The following XPNPEP3 variants were observed in gnomAD, a reference collection of about 807,000 sequenced individuals.
XPNPEP3 encodes the protein xaa-Pro aminopeptidase 3.
A neutral mutation model predicts 60.0 loss-of-function variants in XPNPEP3; 41 were observed. The ratio of observed to expected loss-of-function variants is 0.68; its 90% CI spans 0.53 to 0.89. XPNPEP3 has a LOEUF of 0.89. XPNPEP3 is among the 40% of genes least tolerant of loss of function. The pLI, the probability that XPNPEP3 is intolerant of heterozygous loss-of-function variation, is 0.00. For missense variants in XPNPEP3, 598 were observed against 638.9 expected (o/e 0.94, Z 0.69); for synonymous variants, 212 against 223.2 (o/e 0.95, Z 0.45).
intron 6 of XPNPEP3, among the ~76,000 whole-genome samples, chr22:40,911,766 C>T (rs991916925): frequency 1.3e-5 from 2 of 152,194 alleles, no homozygotes; most frequent in South Asian, 4.1e-4. Context: ...TCTCAAACTC[C>T]TGGCCTCAAG....
intron 4 of XPNPEP3, among the ~76,000 whole-genome samples, chr22:40,901,792 G>A (rs1047264222): frequency 3.3e-5 from 5 of 152,100 alleles, no homozygotes; most frequent in African/African-American, 1.2e-4. Flanking sequence ...TGAAATATGC[G>A]GAATAGGTAA....
chr22:40,898,225 ATTTTTTTTTTTTTTTTTTTTTTTT>A (rs71200626), intron 4 of XPNPEP3, among the ~76,000 whole-genome samples: 28 of 28,770 alleles, frequency 9.7e-4, no homozygotes, highest in Non-Finnish European at 1.5e-3. Flanking sequence ...TCTTTGACCC[ATTTTTTTTTTTTTTTTTTTTTTTT>A]TTTTTTTTTT....
intron 7 of XPNPEP3, among the ~76,000 whole-genome samples, chr22:40,918,008 C>A (rs5758128): frequency 8.3e-6 from 1 of 120,368 alleles, no homozygotes; most frequent in African/African-American, 4.1e-5. Context: ...GAGACTCTGT[C>A]TAAAAAAAAA....
At chr22:40,859,238 G>A (rs1252314061) in intron 1 of XPNPEP3, among the ~76,000 whole-genome samples, 1 of 152,170 alleles carries the variant, frequency 6.6e-6, no homozygotes, top group Non-Finnish European at 1.5e-5. Context: ...ATCAAGTTGG[G>A]AAAAAAGCTG....
At chr22:40,859,477 T>C (rs1161559471) in intron 1 of XPNPEP3, 1 of 152,198 alleles carries the variant, frequency 6.6e-6, no homozygotes, top group Non-Finnish European at 1.5e-5. Context: ...TTGCAATTTT[T>C]TTTTCAACTT....
rs377574021 is a variant in XPNPEP3 at position 40,931,879 on chromosome 22, C to T, written c.*5444C>T. On this transcript the variant is annotated 3_prime_UTR_variant, in exon 10 of 10. Transcript: ENST00000357137. The stretch of plus-strand genomic sequence containing the variant: ...AGGTGAGAAAGGGAAAAACCTTCAC[C>T]GTAGAAATACTGTCTTGAGATTAAG... 3.9e-5 allele frequency: 6 copies of T among 152,180 alleles called. No homozygotes were observed. The highest frequency in any genetic ancestry group is 4.1e-4 in the South Asian group (2 of 4,826). 9.4% of individuals were successfully genotyped at this position (152,180 alleles called of 1,614,324 possible). A position where few individuals can be genotyped will look rare whatever the true frequency, so the allele number is the denominator to read the frequency against.
intron 4 of XPNPEP3, among the ~76,000 whole-genome samples, chr22:40,889,347 T>G (rs2058080820): frequency 2.0e-5 from 3 of 152,202 alleles, no homozygotes; most frequent in African/African-American, 7.2e-5. Context: ...TTTCAGTCAG[T>G]ATGTTTCCTG....
At chr22:40,918,270 A>C (rs919494465) in intron 7 of XPNPEP3, among the ~76,000 whole-genome samples, 1 of 152,096 alleles carries the variant, frequency 6.6e-6, no homozygotes, top group Non-Finnish European at 1.5e-5. Context: ...GCTACTTAGG[A>C]TGCTGAGGTG....
chr22:40,900,216 CAAAAG>C (rs1234881315), intron 4 of XPNPEP3, among the ~76,000 whole-genome samples: 1 of 142,926 alleles, frequency 7.0e-6, no homozygotes, highest in Non-Finnish European at 1.5e-5. Flanking sequence ...GCACAGGCAA[CAAAAG>C]AAAAAGTAGA....
rs74278102 is a variant in XPNPEP3, at chr22:40,873,924, A to G, written c.181+4809A>G. On this transcript the variant is annotated intron_variant, in intron 2 of 9. Transcript: ENST00000357137. ...GAGTGGGTTATAGATAATAATCCCC[A>G]AATCTTTTTCCCTTAAGAGTTTCAA... Among the ~76,000 whole-genome samples, 37 of 152,346 alleles carry G rather than the reference A, an allele frequency of 2.4e-4. No individual in the cohort carries two copies. In the East Asian group the frequency reaches 5.8e-3, roughly 24 times the overall value.
chr22:40,914,102 A>G (rs1156431083), intron 6 of XPNPEP3, 137 bp from the exon 7 acceptor site: 4 of 717,744 alleles, frequency 5.6e-6, no homozygotes, highest in African/African-American at 1.8e-5. Context: ...AGATCACACC[A>G]TTGCACTCCA....
At chr22:40,881,677 A>T (rs749694172) in intron 2 of XPNPEP3, 93 bp from the exon 3 acceptor site, 2 of 1,437,592 alleles carry the variant, frequency 1.4e-6, no homozygotes, top group Non-Finnish European at 1.9e-6. Context: ...AAATTGAACA[A>T]TTGGACTTGA....
chr22:40,867,524 A>G (rs556935609), intron 1 of XPNPEP3, among the ~76,000 whole-genome samples: 1 of 152,294 alleles, frequency 6.6e-6, no homozygotes, highest in East Asian at 1.9e-4. Flanking sequence ...AAGAAAAATC[A>G]TAGCTTCTAA....
At chr22:40,886,776 G>A (rs1382779517) in intron 4 of XPNPEP3, among the ~76,000 whole-genome samples, 4 of 147,904 alleles carry the variant, frequency 2.7e-5, no homozygotes, top group Non-Finnish European at 5.9e-5. Context: ...GCAGTGAGCC[G>A]AGATCGGGCC....
intron 4 of XPNPEP3, among the ~76,000 whole-genome samples, chr22:40,893,432 G>C (rs2058096004): frequency 6.9e-6 from 1 of 145,826 alleles, no homozygotes; most frequent in Non-Finnish European, 1.5e-5. Context: ...TTGAACCCAG[G>C]AGGTGGAGGT....
chr22:40,928,265 G>A lies in XPNPEP3; in HGVS notation c.*1830G>A, dbSNP rs950650459. ...TCGCCTGGGCTGGATGGAGTGCAGT[G>A]GCGTAATCTCAGCTCACTACAACCT... On this transcript the variant is annotated 3_prime_UTR_variant, in exon 10 of 10. Coordinates refer to ENST00000357137, the MANE Select transcript of XPNPEP3 (RefSeq NM_022098.4). 20 of 146,498 alleles carry A rather than the reference G, an allele frequency of 1.4e-4. No individual in the cohort carries two copies. The highest frequency in any genetic ancestry group is 1.5e-4 in the African/African-American group (6 of 39,892). The allele number at this position is 146,498 out of a possible 1,614,324, so 9.1% of individuals were successfully genotyped here.
chr22:40,859,074 T>A (rs2057925098), intron 1 of XPNPEP3, among the ~76,000 whole-genome samples: 1 of 152,162 alleles, frequency 6.6e-6, no homozygotes, highest in African/African-American at 2.4e-5. Flanking sequence ...TCTAGGTTTC[T>A]GAGAGATGTG....
rs199693203 is a variant in XPNPEP3 at position 40,881,976 on chromosome 22, C to G, written c.388C>G (p.Pro130Ala). The stretch of plus-strand genomic sequence containing the variant: ...CCTGTACCTATGTGGATTCCAAGAG[C>G]CTGATAGCATTCTTGTCCTTCAGAG... ...NFLYLCGFQE[P>A]DSILVLQSLP... The change falls in exon 3 of 10, where the codon CCT becomes GCT. Residue 130 changes from proline to alanine, a missense_variant. Physicochemically the swap from Pro to Ala is conservative, Grantham distance 27. Coordinates refer to ENST00000357137, the MANE Select transcript of XPNPEP3 (RefSeq NM_022098.4). 88 of 1,613,928 alleles carry G rather than the reference C, an allele frequency of 5.5e-5. 1 individual carries two copies. Among genetic ancestry groups the G allele is most frequent in the African/African-American group, 5.3e-5 (4 of 74,874 alleles).
rs2058248383 is a variant in XPNPEP3 at position 40,929,774 on chromosome 22, T to C, written c.*3339T>C. ...GCTGTCTGATATATTCAGGATTTGTTGAGCAGATAAGCTGTGTGTGATCTT... is the reference window on the plus strand; with the variant it reads ...GCTGTCTGATATATTCAGGATTTGTCGAGCAGATAAGCTGTGTGTGATCTT... On this transcript the variant is annotated 3_prime_UTR_variant, in exon 10 of 10. Transcript: ENST00000357137. 6.6e-6 allele frequency: 1 copy of C among 152,226 alleles called. No homozygotes were observed. Among genetic ancestry groups the C allele is most frequent in the Non-Finnish European group, 1.5e-5 (1 of 68,034 alleles). The allele number at this position is 152,226 out of a possible 1,614,324, so 9.4% of individuals were successfully genotyped here. A position where few individuals can be genotyped will look rare whatever the true frequency, so the allele number is the denominator to read the frequency against.
Sources: gnomAD v4.1 joint callset for allele counts (sites outside exome capture counted in the v4.1 genomes callset) on GRCh38, gnomAD v4.1.1 for gene constraint, MANE v1.5 for transcripts, NCBI Gene and HGNC (gene_info 2026-07-23, HGNC 2026-07-21) for gene names.